Variants in MTSS1 observed in about 807,000 individuals in gnomAD.
The protein encoded by MTSS1 is protein MTSS 1.
Under a neutral mutation model 79.0 loss-of-function variants are expected in MTSS1, and 18 were observed. The observed-to-expected ratio is 0.23, with a 90% CI of 0.16 to 0.34. MTSS1 has a LOEUF of 0.34. Among genes scored for constraint, MTSS1 ranks in the 10% least tolerant of loss-of-function variants. The pLI, the probability that MTSS1 is intolerant of heterozygous loss-of-function variation, is 1.00. For missense variants in MTSS1, 815 were observed against 986.2 expected, an observed-to-expected ratio of 0.83 and a Z score of 2.33; for synonymous variants, 341 against 368.6, an observed-to-expected ratio of 0.93 and a Z score of 0.86.
At chr8:124,717,426 G>A (rs1326985612) in intron 1 of MTSS1, among the ~76,000 whole-genome samples, 1 of 152,160 alleles carries the variant, frequency 6.6e-6, no homozygotes, top group Non-Finnish European at 1.5e-5. Context: ...AACCTGGGAG[G>A]CAGAGGTGGC....
At chr8:124,675,175 A>C (rs888425180) in intron 3 of MTSS1, among the ~76,000 whole-genome samples, 6 of 152,214 alleles carry the variant, frequency 3.9e-5, no homozygotes, top group African/African-American at 1.4e-4. Flanking sequence ...TTCTTGAGGA[A>C]CACTGATCTT....
chr8:124,688,144 A>G (rs546893190), intron 3 of MTSS1, among the ~76,000 whole-genome samples: 18 of 152,054 alleles, frequency 1.2e-4, no homozygotes, highest in African/African-American at 4.1e-4. Flanking sequence ...GAATCAAAAA[A>G]CGTGTATTTG....
chr8:124,580,435 T>G, intron 6 of MTSS1: 1 of 1,108,622 alleles, frequency 9.0e-7, no homozygotes, highest in African/African-American at 1.6e-5. Flanking sequence ...CACAGTTGAT[T>G]GTTTTGAGCT....
At chr8:124,699,380 G>A (rs1829365793) in intron 3 of MTSS1, 146 bp downstream of exon 3, 1 of 655,230 alleles carries the variant, frequency 1.5e-6, no homozygotes, top group Non-Finnish European at 2.6e-6. Flanking sequence ...CTAATATGTG[G>A]AATCCCACAG....
rs1481506536 is a variant in MTSS1 at position 124,553,450 on chromosome 8, T to C, written c.1810A>G (p.Ile604Val). Residue 604 changes from isoleucine (I) to valine (V), a missense_variant, in exon 14 of 14, where the codon ATT (isoleucine) becomes GTT (valine). This residue lies in a region of MTSS1 where 590 missense variants were observed against 620.8 expected (regional missense o/e 0.95). Coordinates refer to ENST00000518547, the MANE Select transcript of MTSS1 (RefSeq NM_014751.6). This position sits in a 1 kb window ranked among gnomAD's most constrained non-coding sequence, Gnocchi z 6.0. ...STKPSVRRGTIGAGPIPIKTP... is the reference protein window; with the variant it reads ...STKPSVRRGTVGAGPIPIKTP... ...TTGATGGGGATGGGACCAGCTCCAA[T>C]GGTTCCCCGGCGGACAGAAGGCTTG... 8 of 1,608,380 alleles carry C rather than the reference T, an allele frequency of 5.0e-6. 1 individual carries two copies. In the Admixed American group the frequency reaches 1.3e-4, roughly 27 times the overall value.
At position 124,557,810 on chromosome 8, in the gene MTSS1, G is replaced by A. The variant is rs1435976495; in HGVS notation, c.1101C>T (p.Gly367=). ...SESHVGPTGA[G]LFPHCLPASR... is the part of the protein sequence containing the mutation. ...AGGCAGGCAGGCAATGAGGGAAAAG[G>A]CCTGCACCCGTGGGCCCCACGTGGG... The change falls in exon 11 of 14, where the codon GGC becomes GGT. Residue 367 remains glycine, a synonymous_variant. Transcript: ENST00000518547. 3 of 1,604,098 alleles carry A rather than the reference G, an allele frequency of 1.9e-6. No homozygotes were observed. Among genetic ancestry groups the A allele is most frequent in the Non-Finnish European group, 2.6e-6 (3 of 1,175,368 alleles).
chr8:124,603,827 AAC>A (rs1179814068), intron 3 of MTSS1, among the ~76,000 whole-genome samples: 19 of 152,296 alleles, frequency 1.2e-4, no homozygotes, highest in Non-Finnish European at 2.5e-4. Flanking sequence ...ATGGCTGCAA[AAC>A]ACAAACTTTT....
At chr8:124,589,133 C>T (rs911693394) in intron 5 of MTSS1, among the ~76,000 whole-genome samples, 7 of 151,924 alleles carry the variant, frequency 4.6e-5, no homozygotes, top group African/African-American at 1.7e-4. Flanking sequence ...CGGGTTCAAG[C>T]GATTTTTGTG....
intron 6 of MTSS1, chr8:124,577,705 C>A (rs1829247579): frequency 2.0e-6 from 1 of 495,502 alleles, no homozygotes; most frequent in Non-Finnish European, 4.0e-6. Context: ...GCCTTCTAAG[C>A]CCTGGGCTTA....
intron 3 of MTSS1, among the ~76,000 whole-genome samples, chr8:124,666,087 C>T (rs1354027043): frequency 3.3e-5 from 5 of 152,190 alleles, no homozygotes. Context: ...ACCCAGCACA[C>T]AGTAAATGTT....
chr8:124,685,934 T>G (rs1027751656), intron 3 of MTSS1, among the ~76,000 whole-genome samples: 1 of 152,066 alleles, frequency 6.6e-6, no homozygotes, highest in Non-Finnish European at 1.5e-5. Context: ...GCACCATGTC[T>G]CTAAGTGACC....
rs1412791785 is a variant in MTSS1 at position 124,551,399 on chromosome 8, C to G, written c.*1593G>C. The G allele has an allele frequency of 6.6e-6, 1 of 152,614 alleles. No homozygotes were observed. The highest frequency in any genetic ancestry group is 2.4e-5 in the African/African-American group (1 of 41,438). 9.5% of individuals were successfully genotyped at this position (152,614 alleles called of 1,614,324 possible). A position where few individuals can be genotyped will look rare whatever the true frequency, so the allele number is the denominator to read the frequency against. The stretch of plus-strand genomic sequence containing the variant: ...AGCCGTAACATAAAATGTCCTTGAG[C>G]AATCGCAGCAGTGTTCAATGTTAAT... On this transcript the variant is annotated 3_prime_UTR_variant, in exon 14 of 14. Transcript: ENST00000518547.
chr8:124,707,604 G>A (rs1164171823), intron 1 of MTSS1, among the ~76,000 whole-genome samples: 3 of 152,068 alleles, frequency 2.0e-5, no homozygotes, highest in Admixed American at 2.0e-4. Flanking sequence ...AGCTACTCGG[G>A]AGGCTGAAGC....
chr8:124,561,860 C>T (rs1382013749), intron 10 of MTSS1, among the ~76,000 whole-genome samples: 1 of 152,068 alleles, frequency 6.6e-6, no homozygotes, highest in East Asian at 1.9e-4. Flanking sequence ...AAACTATAGC[C>T]GTGGCTCTTG....
chr8:124,642,529 C>G (rs1818246014), intron 3 of MTSS1, among the ~76,000 whole-genome samples: 1 of 152,166 alleles, frequency 6.6e-6, no homozygotes, highest in South Asian at 2.1e-4. Context: ...TTATATTGAT[C>G]CACCTAAGTT....
intron 10 of MTSS1, among the ~76,000 whole-genome samples, chr8:124,562,414 G>C (rs934260963): frequency 1.3e-5 from 2 of 152,250 alleles, no homozygotes; most frequent in Non-Finnish European, 2.9e-5. Context: ...GAGAACCTGA[G>C]ATGTGGGGGA....
rs371565145 is a variant in MTSS1, at chr8:124,582,622, C to CAA, written c.460+2463_460+2464dup. Among the ~76,000 whole-genome samples, 5 of 144,418 alleles carry CAA rather than the reference C, an allele frequency of 3.5e-5. No homozygotes were observed. Among genetic ancestry groups the CAA allele is most frequent in the South Asian group, 2.2e-4 (1 of 4,556 alleles). The allele number at this position is 144,418 out of a possible 152,430, so 94.7% of individuals were successfully genotyped here. A position where few individuals can be genotyped will look rare whatever the true frequency, so the allele number is the denominator to read the frequency against. ...ATACATCAGATTCCGTCTATCAGGA[C>CAA]AAAAAAAAAAATGTATCCAAAACCT... On this transcript the variant is annotated intron_variant, in intron 6 of 13. Transcript: ENST00000518547. This position sits in a 1 kb window ranked among gnomAD's most constrained non-coding sequence, Gnocchi z 4.8.
At chr8:124,558,032 T>A in intron 10 of MTSS1, 157 bp from the exon 11 acceptor site, 1 of 617,410 alleles carries the variant, frequency 1.6e-6, no homozygotes, top group Non-Finnish European at 2.7e-6. Flanking sequence ...GGATGATCTG[T>A]GATGCAAGAG....
chr8:124,687,663 A>T (rs1000329823), intron 3 of MTSS1, among the ~76,000 whole-genome samples: 4 of 152,202 alleles, frequency 2.6e-5, no homozygotes, highest in African/African-American at 7.2e-5. Context: ...CAGCGGGTAA[A>T]CACCCTTGTC....
Sources: gnomAD v4.1 joint callset for allele counts (sites outside exome capture counted in the v4.1 genomes callset) on GRCh38, gnomAD v4.1.1 for gene constraint, gnomAD v4.1.1 regional missense constraint, Gnocchi (gnomAD v3.1) non-coding constraint, MANE v1.5 for transcripts, NCBI Gene and HGNC (gene_info 2026-07-23, HGNC 2026-07-21) for gene names.